The following CYB5R3 variants were observed in gnomAD, a reference collection of about 807,000 sequenced individuals.
CYB5R3 encodes NADH-cytochrome b5 reductase 3.
In CYB5R3, 28 loss-of-function variants were observed where a neutral mutation model predicts 36.5. The ratio of observed to expected loss-of-function variants is 0.77; its 90% CI spans 0.57 to 1.05. The LOEUF is 1.05. CYB5R3 is among the 50% of genes least tolerant of loss of function. The pLI, the probability that CYB5R3 is intolerant of heterozygous loss-of-function variation, is 0.00. For missense variants in CYB5R3, 474 were observed against 408.9 expected (o/e 1.16, Z -1.37); for synonymous variants, 181 against 159.8 (o/e 1.13, Z -1.00).
rs779904001 is a variant in CYB5R3, at chr22:42,636,750, C to T, written c.118G>A (p.Asp40Asn). 4.3e-6 allele frequency: 7 copies of T among 1,613,478 alleles called. No homozygotes were observed. Among genetic ancestry groups the T allele is most frequent in the African/African-American group, 1.3e-5 (1 of 74,932 alleles). ...ATGAGCCGCAGCGGGTACTTGATGT[C>T]CGGGCTCTCGAGGGTGATGGCTGGC... is the stretch of plus-strand genomic sequence containing the variant. ...STPAITLESP[D>N]IKYPLRLIDR... The change falls in exon 2 of 9, where the codon GAC becomes AAC. Residue 40 changes from aspartate (D) to asparagine (N), a missense_variant. Coordinates refer to ENST00000352397, the MANE Select transcript of CYB5R3 (RefSeq NM_000398.7).
chr22:42,627,764 T>C, intron 5 of CYB5R3, 76 bp from the exon 6 acceptor site: 1 of 1,099,312 alleles, frequency 9.1e-7, no homozygotes, highest in Non-Finnish European at 1.4e-6. Flanking sequence ...GAGAGGGGGC[T>C]GGAGAACCTG....
intron 2 of CYB5R3, 167 bp from the exon 3 acceptor site, chr22:42,631,617 A>G (rs1928626754): frequency 1.5e-6 from 1 of 682,232 alleles, no homozygotes; most frequent in Non-Finnish European, 2.7e-6. Context: ...AGATGCACAC[A>G]CATGCACGCT....
intron 1 of CYB5R3, chr22:42,640,303 G>A (rs929958718): frequency 2.6e-6 from 4 of 1,528,870 alleles, no homozygotes; most frequent in African/African-American, 1.4e-5. Context: ...CCATCATCCC[G>A]AATGGCCAGC....
chr22:42,645,422 T>C (rs1351136700), intron 1 of CYB5R3, among the ~76,000 whole-genome samples: 2 of 152,176 alleles, frequency 1.3e-5, no homozygotes, highest in Admixed American at 1.3e-4. Context: ...AAAGCCCGCT[T>C]GTCCTCCAAG....
chr22:42,630,914 C>G lies in CYB5R3; in HGVS notation c.301G>C (p.Asp101His). The change falls in exon 4 of 9, where the codon GAT (aspartate) becomes CAT (histidine). Residue 101 changes from aspartate to histidine, a missense_variant. Transcript: ENST00000352397. ...VRPYTPISSDDDKGFVDLVIK... is the reference protein window; with the variant it reads ...VRPYTPISSDHDKGFVDLVIK... ...ACCAGGTCCACGAAGCCCTTGTCAT[C>G]ATCGCTGGAGATGGGTGTATAGGGC... 1.9e-6 allele frequency: 3 copies of G among 1,614,004 alleles called. No individual in the cohort carries two copies. The highest frequency in any genetic ancestry group is 2.5e-6 in the Non-Finnish European group (3 of 1,179,976).
intron 2 of CYB5R3, chr22:42,632,836 GAAC>G (rs1374363327): frequency 1.3e-5 from 2 of 152,058 alleles, no homozygotes; most frequent in African/African-American, 4.8e-5. Flanking sequence ...AGACCAGTCT[GAAC>G]AACATGGAGA....
At position 42,618,250 on chromosome 22, in the gene CYB5R3, T is replaced by A. The variant is rs1239095023; in HGVS notation, c.*1523A>T. ...ACCACAAAGATACATCAGAAATAAATGCTGGAGCCGGGCGCAGTGGCTCAC... is the reference window on the plus strand; with the variant it reads ...ACCACAAAGATACATCAGAAATAAAAGCTGGAGCCGGGCGCAGTGGCTCAC... On this transcript the variant is annotated 3_prime_UTR_variant, in exon 9 of 9. Coordinates refer to ENST00000352397, the MANE Select transcript of CYB5R3 (RefSeq NM_000398.7). The A allele has an allele frequency of 6.6e-6, 1 of 152,228 alleles. No individual in the cohort carries two copies. The highest frequency in any genetic ancestry group is 1.5e-5 in the Non-Finnish European group (1 of 68,094). The allele number at this position is 152,228 out of a possible 1,614,324, so 9.4% of individuals were successfully genotyped here. A position where few individuals can be genotyped will look rare whatever the true frequency, so the allele number is the denominator to read the frequency against.
At chr22:42,623,764 CCAGT>C in intron 8 of CYB5R3, 21 bp downstream of exon 8, 1 of 1,584,310 alleles carries the variant, frequency 6.3e-7, no homozygotes, top group Non-Finnish European at 8.7e-7. Flanking sequence ...TCCCACCCAC[CCAGT>C]GAGGGGCCTC....
chr22:42,649,191 C>T (rs1367849201), intron 1 of CYB5R3, 104 bp downstream of exon 1: 18 of 431,168 alleles, frequency 4.2e-5, no homozygotes, highest in East Asian at 1.3e-4. Context: ...CGGCCGGGTG[C>T]GGCCCGGGTC....
chr22:42,643,252 T>A (rs1929374238), intron 1 of CYB5R3, among the ~76,000 whole-genome samples: 1 of 152,102 alleles, frequency 6.6e-6, no homozygotes, highest in Non-Finnish European at 1.5e-5. Context: ...GCCTGGCCTA[T>A]CTCCTTGAAG....
intron 3 of CYB5R3, 165 bp from the exon 4 acceptor site, chr22:42,631,153 G>A (rs913025557): frequency 6.4e-6 from 5 of 776,638 alleles, no homozygotes; most frequent in Non-Finnish European, 1.1e-5. Flanking sequence ...TCACGTCCCA[G>A]CTTCCTGCCT....
chr22:42,646,851 T>C, intron 1 of CYB5R3: 1 of 985,532 alleles, frequency 1.0e-6, no homozygotes, highest in Non-Finnish European at 1.2e-6. Flanking sequence ...AGCATGGGGC[T>C]GCCAGGGACA....
chr22:42,627,406 C>G lies in CYB5R3; in HGVS notation c.548-17G>C, dbSNP rs766227257. 1 of 1,612,354 alleles carries G rather than the reference C, an allele frequency of 6.2e-7. No individual in the cohort carries two copies. The highest frequency in any genetic ancestry group is 1.1e-5 in the South Asian group (1 of 90,984). On this transcript the variant is annotated splice_polypyrimidine_tract_variant and intron_variant, in intron 6 of 8. Transcript: ENST00000352397. ...GGGTGATGCCTGCAAAATAGCCGGC[C>G]GGGCCTCGCACGTGCTGAGCGAGGC... is the stretch of plus-strand genomic sequence containing the variant.
At chr22:42,620,119 C>CTGAA (rs1927887523) in intron 8 of CYB5R3, among the ~76,000 whole-genome samples, 174 bp from the exon 9 acceptor site, 1 of 152,202 alleles carries the variant, frequency 6.6e-6, no homozygotes, top group Non-Finnish European at 1.5e-5. Flanking sequence ...TGGCCTCAGG[C>CTGAA]CCTGCAGCCT....
chr22:42,628,718 G>A (rs576046497), intron 4 of CYB5R3, among the ~76,000 whole-genome samples: 15 of 152,210 alleles, frequency 9.9e-5, no homozygotes, highest in African/African-American at 3.4e-4. Flanking sequence ...CTCACTCTTG[G>A]GACTACTTCC....
intron 1 of CYB5R3, chr22:42,647,083 G>T: frequency 1.7e-6 from 1 of 584,328 alleles, no homozygotes; most frequent in Non-Finnish European, 2.2e-6. Context: ...GACACCTAGA[G>T]CACCAGGCCC....
At chr22:42,628,349 G>A in intron 4 of CYB5R3, 68 bp from the exon 5 acceptor site, 1 of 1,596,786 alleles carries the variant, frequency 6.3e-7, no homozygotes, top group South Asian at 1.1e-5. Context: ...TGCCCACAGT[G>A]GGAGACAAGT....
chr22:42,625,173 G>A (rs758784722), intron 7 of CYB5R3, among the ~76,000 whole-genome samples: 12 of 152,150 alleles, frequency 7.9e-5, no homozygotes, highest in Non-Finnish European at 1.6e-4. Context: ...GGATTTTTGT[G>A]TGCATCTTTT....
At chr22:42,646,862 G>A in intron 1 of CYB5R3, 2 of 985,610 alleles carry the variant, frequency 2.0e-6, no homozygotes, top group Non-Finnish European at 2.4e-6. Context: ...GCCAGGGACA[G>A]TAGGAAAGCC....
Sources: gnomAD v4.1 joint callset for allele counts (sites outside exome capture counted in the v4.1 genomes callset) on GRCh38, gnomAD v4.1.1 for gene constraint, MANE v1.5 for transcripts, NCBI Gene and HGNC (gene_info 2026-07-23, HGNC 2026-07-21) for gene names.